SPMIP2: variants seen among roughly 807,000 people sequenced by gnomAD.
The protein encoded by SPMIP2 is sperm microtubule inner protein 2.
the SPMIP2 span, among the ~76,000 whole-genome samples, chr4:159,016,722 C>T: frequency 2.6e-5 from 4 of 152,168 alleles, no homozygotes; most frequent in East Asian, 3.8e-4. Flanking sequence ...CTTTCAATTT[C>T]GCTTTTTTGA....
chr4:158,952,468 C>T, the SPMIP2 span, among the ~76,000 whole-genome samples: 2 of 152,320 alleles, frequency 1.3e-5, no homozygotes, highest in East Asian at 3.9e-4. Context: ...GAGACTTCCC[C>T]AGCCATGTGG....
the SPMIP2 span, among the ~76,000 whole-genome samples, chr4:158,966,799 T>C: frequency 6.6e-6 from 1 of 152,238 alleles, no homozygotes; most frequent in African/African-American, 2.4e-5. Flanking sequence ...TCCTTTTTTT[T>C]CTTTCCTTTT....
At chr4:159,045,471 G>A in the SPMIP2 span, among the ~76,000 whole-genome samples, 3 of 152,060 alleles carry the variant, frequency 2.0e-5, no homozygotes, top group Non-Finnish European at 4.4e-5. Flanking sequence ...TTATTTTTAG[G>A]CCATTGAAAG....
the SPMIP2 span, chr4:158,915,297 T>G: frequency 1.1e-5 from 18 of 1,613,698 alleles, no homozygotes; most frequent in Non-Finnish European, 1.4e-5. Flanking sequence ...AGCACTCATA[T>G]GCCAGGCAAA....
the SPMIP2 span, among the ~76,000 whole-genome samples, chr4:158,980,086 T>A: frequency 6.6e-6 from 1 of 152,010 alleles, no homozygotes; most frequent in East Asian, 1.9e-4. Flanking sequence ...ACAAAGCTTC[T>A]GGGAATTTCG....
the SPMIP2 span, among the ~76,000 whole-genome samples, chr4:159,050,521 A>G: frequency 6.6e-6 from 1 of 152,252 alleles, no homozygotes; most frequent in Non-Finnish European, 1.5e-5. Flanking sequence ...ATGTTAAGAT[A>G]GCCAGGCATG....
At chr4:158,923,709 TTCTA>T in the SPMIP2 span, among the ~76,000 whole-genome samples, 3 of 152,230 alleles carry the variant, frequency 2.0e-5, no homozygotes, top group Non-Finnish European at 2.9e-5. Flanking sequence ...TTATTTTGTC[TTCTA>T]TCTAAGTGCC....
the SPMIP2 span, among the ~76,000 whole-genome samples, chr4:159,041,768 G>T: frequency 6.6e-6 from 1 of 152,188 alleles, no homozygotes; most frequent in African/African-American, 2.4e-5. Flanking sequence ...ACTGATCAAT[G>T]AACAAATATA....
the SPMIP2 span, among the ~76,000 whole-genome samples, chr4:158,938,243 C>T: frequency 6.6e-6 from 1 of 152,232 alleles, no homozygotes; most frequent in East Asian, 1.9e-4. Context: ...ATGAATATTG[C>T]TTAAATGCCA....
At chr4:158,986,680 A>G in the SPMIP2 span, among the ~76,000 whole-genome samples, 1 of 152,212 alleles carries the variant, frequency 6.6e-6, no homozygotes, top group Non-Finnish European at 1.5e-5. Flanking sequence ...TAAAAACCCT[A>G]GAAGAAAACC....
chr4:159,079,648 AT>A, the SPMIP2 span, among the ~76,000 whole-genome samples: 1 of 152,202 alleles, frequency 6.6e-6, no homozygotes, highest in South Asian at 2.1e-4. Flanking sequence ...TCAACCATAT[AT>A]TTAAAGCACA....
At chr4:158,898,504 CTT>C in the SPMIP2 span, among the ~76,000 whole-genome samples, 1 of 152,196 alleles carries the variant, frequency 6.6e-6, no homozygotes, top group African/African-American at 2.4e-5. Flanking sequence ...TGTGTCCTCT[CTT>C]ATTTCCTTGA....
the SPMIP2 span, among the ~76,000 whole-genome samples, chr4:158,964,162 C>A: frequency 0.42 from 45,571 of 109,602 alleles, 9,091 homozygotes; most frequent in East Asian, 0.6. Context: ...CAAAACAAAA[C>A]AAAACAAAAC....
the SPMIP2 span, among the ~76,000 whole-genome samples, chr4:159,045,143 T>C: frequency 5.3e-5 from 8 of 150,316 alleles, no homozygotes; most frequent in Middle Eastern, 3.3e-3. Context: ...GTCTGGAAAG[T>C]TGAGGATTTC....
At chr4:159,000,494 C>CTTTT in the SPMIP2 span, among the ~76,000 whole-genome samples, 35 of 129,974 alleles carry the variant, frequency 2.7e-4, no homozygotes, top group East Asian at 4.4e-4. Context: ...TCTTCTTCTT[C>CTTTT]TTTTTTTTTT....
chr4:159,060,378 A>T, the SPMIP2 span, among the ~76,000 whole-genome samples: 1 of 152,220 alleles, frequency 6.6e-6, no homozygotes, highest in Non-Finnish European at 1.5e-5. Flanking sequence ...AGTGGCGCCC[A>T]GCCTAGAGTG....
chr4:158,968,257 C>T, the SPMIP2 span, among the ~76,000 whole-genome samples: 3 of 152,176 alleles, frequency 2.0e-5, no homozygotes, highest in Non-Finnish European at 2.9e-5. Context: ...TTGAACTCTT[C>T]TCCTCAAATA....
chr4:158,985,761 A>C, the SPMIP2 span, among the ~76,000 whole-genome samples: 2 of 152,162 alleles, frequency 1.3e-5, no homozygotes, highest in Non-Finnish European at 2.9e-5. Flanking sequence ...CCTATTCAAC[A>C]TACTGTTGGA....
At chr4:158,915,237 T>G in the SPMIP2 span, 1 of 1,613,800 alleles carries the variant, frequency 6.2e-7, no homozygotes, top group Non-Finnish European at 8.5e-7. Flanking sequence ...TGACTTACAC[T>G]GCCTAACAAG....
Sources: gnomAD v4.1 joint callset for allele counts (sites outside exome capture counted in the v4.1 genomes callset) on GRCh38, gnomAD v4.1.1 for gene constraint, MANE v1.5 for transcripts, NCBI Gene and HGNC (gene_info 2026-07-23, HGNC 2026-07-21) for gene names.